Variants in PHKG1 observed in about 807,000 individuals in gnomAD.
PHKG1 encodes phosphorylase b kinase gamma catalytic chain, skeletal muscle/heart isoform.
Under a neutral mutation model 50.5 loss-of-function variants are expected in PHKG1, and 48 were observed. The observed-to-expected ratio is 0.95, with a 90% CI of 0.75 to 1.21. The LOEUF (loss-of-function observed/expected upper bound fraction) is 1.21. PHKG1 is among the 50% of genes most tolerant of loss of function. PHKG1 has a pLI of 0.00. For synonymous variants in PHKG1, 204 were observed against 212.8 expected, an observed-to-expected ratio of 0.96 and a Z score of 0.36; for missense variants, 487 against 519.5, an observed-to-expected ratio of 0.94 and a Z score of 0.61.
chr7:56,087,560 G>T (rs754470174), intron 3 of PHKG1, 38 bp downstream of exon 3: 6 of 1,592,252 alleles, frequency 3.8e-6, no homozygotes, highest in Non-Finnish European at 5.2e-6. Flanking sequence ...AGAATCACAG[G>T]GGGGCACCCT....
intron 6 of PHKG1, among the ~76,000 whole-genome samples, chr7:56,082,630 T>C (rs1234275152): frequency 6.6e-6 from 1 of 150,756 alleles, no homozygotes; most frequent in Non-Finnish European, 1.5e-5. Flanking sequence ...ACAATGGAGA[T>C]GATGGAACAG....
At chr7:56,092,614 C>CT (rs999313169) in intron 1 of PHKG1, among the ~76,000 whole-genome samples, 5 of 152,138 alleles carry the variant, frequency 3.3e-5, no homozygotes, top group African/African-American at 7.2e-5. Flanking sequence ...CCCCTGAACT[C>CT]TGAGTCCAAA....
intron 1 of PHKG1, among the ~76,000 whole-genome samples, chr7:56,092,555 G>T (rs937565361): frequency 5.9e-5 from 9 of 152,182 alleles, no homozygotes; most frequent in Non-Finnish European, 1.2e-4. Flanking sequence ...TTATAGGCAT[G>T]AGCCATCGCG....
intron 1 of PHKG1, among the ~76,000 whole-genome samples, chr7:56,091,584 A>G (rs1796495574): frequency 6.6e-6 from 1 of 152,120 alleles, no homozygotes; most frequent in Admixed American, 6.6e-5. Flanking sequence ...ACCAACAGGG[A>G]AAAGGGCAGA....
intron 4 of PHKG1, 33 bp from the exon 5 acceptor site, chr7:56,083,748 T>G: frequency 6.9e-7 from 1 of 1,449,382 alleles, no homozygotes; most frequent in East Asian, 2.4e-5. Context: ...GCTGGATCGG[T>G]CCCAAGACCA....
intron 3 of PHKG1, among the ~76,000 whole-genome samples, 167 bp from the exon 4 acceptor site, chr7:56,087,191 G>A (rs1584628540): frequency 7.9e-6 from 1 of 126,864 alleles, no homozygotes; most frequent in Non-Finnish European, 1.6e-5. Flanking sequence ...CAGGCCCAGG[G>A]ACTTTATTAT....
At chr7:56,083,550 C>T in intron 5 of PHKG1, 100 bp downstream of exon 5, 1 of 1,504,288 alleles carries the variant, frequency 6.6e-7, no homozygotes, top group Non-Finnish European at 9.2e-7. Flanking sequence ...CACACACGCC[C>T]AGCCCAGACA....
In PHKG1 at chr7:56,081,754, A is replaced by T. The variant is rs779977158; in HGVS notation, c.794T>A (p.Val265Asp). The T allele has an allele frequency of 6.2e-7, 1 of 1,612,774 alleles. No individual in the cohort carries two copies. The highest frequency in any genetic ancestry group is 1.1e-5 in the South Asian group (1 of 91,046). ...GGGTTGCACCACCAGGAATCGGGAGACCTGTGAGAGGAGGAGAGGGGAACC... is the reference window on the plus strand; with the variant it reads ...GGGTTGCACCACCAGGAATCGGGAGTCCTGTGAGAGGAGGAGAGGGGAACC... ...DDYSDTVKDL[V>D]SRFLVVQPQN... is the part of the protein sequence containing the mutation. The change falls in exon 9 of 10, where the codon GTC becomes GAC. Residue 265 changes from valine to aspartate, a missense_variant and splice_region_variant. Transcript: ENST00000297373. The surrounding 1 kb of genome is among the most constrained non-coding windows in gnomAD (Gnocchi z 4.6).
chr7:56,082,801 A>T lies in PHKG1; in HGVS notation c.547+477T>A, dbSNP rs531222172. ...AAGGGTAATGGGAACCTGGGAGAGGACTTACCTGAAGAAATGCCTAGCCCT... is the reference window on the plus strand; with the variant it reads ...AAGGGTAATGGGAACCTGGGAGAGGTCTTACCTGAAGAAATGCCTAGCCCT... On this transcript the variant is annotated intron_variant, in intron 6 of 9. Transcript: ENST00000297373. 2.6e-5 allele frequency among the ~76,000 whole-genome samples: 4 copies of T among 152,014 alleles called. No individual in the cohort carries two copies. The East Asian group carries it at 7.8e-4, about 30-fold the overall frequency.
rs757769249 is a variant in PHKG1 at position 56,082,046 on chromosome 7, C to T, written c.639G>A (p.Met213Ile). 5.6e-6 allele frequency: 9 copies of T among 1,612,300 alleles called. No homozygotes were observed. The South Asian group carries it at 7.7e-5, about 14-fold the overall frequency. ...TGTACATGATGACGCCAGTGCTCCA[C>T]CTGGACATGCGAGGGCCCAGGGCCA... ...DHPGYGKEVD[M>I]WSTGVIMYTL... Residue 213 changes from methionine to isoleucine, a missense_variant and splice_region_variant, in exon 8 of 10, where the codon ATG becomes ATA. By Grantham distance (10) the Met-to-Ile change is conservative (BLOSUM62 1). Transcript: ENST00000297373.
chr7:56,080,385 T>TC lies in PHKG1; in HGVS notation c.*668dup, dbSNP rs1378299067. The stretch of plus-strand genomic sequence containing the variant: ...CCCAAGCAATTCTCCCACCTCAGCC[T>TC]CCTGAGTAGCTGGGACTACAAGTGT... On this transcript the variant is annotated 3_prime_UTR_variant, in exon 10 of 10. Coordinates refer to ENST00000297373, the MANE Select transcript of PHKG1 (RefSeq NM_006213.5). The TC allele has an allele frequency of 6.5e-6, 1 of 153,392 alleles. No individual in the cohort carries two copies. The highest frequency in any genetic ancestry group is 1.4e-5 in the Non-Finnish European group (1 of 71,082). The allele number at this position is 153,392 out of a possible 1,614,324, so 9.5% of individuals were successfully genotyped here.
chr7:56,081,475 C>G lies in PHKG1; in HGVS notation c.918+155G>C, dbSNP rs538078933. Reference sequence around the variant, plus strand: ...CATCCTCAGGGACCGAGCCAGTGGGCTGACACCTGCCGTCTTTGAAGCCAT... The same window carrying G: ...CATCCTCAGGGACCGAGCCAGTGGGGTGACACCTGCCGTCTTTGAAGCCAT... On this transcript the variant is annotated intron_variant, in intron 9 of 9. Coordinates refer to ENST00000297373, the MANE Select transcript of PHKG1 (RefSeq NM_006213.5). The surrounding 1 kb of genome is among the most constrained non-coding windows in gnomAD (Gnocchi z 4.6). 1.2e-4 allele frequency among the ~76,000 whole-genome samples: 19 copies of G among 152,180 alleles called. No individual in the cohort carries two copies. Among genetic ancestry groups the G allele is most frequent in the Non-Finnish European group, 2.6e-4 (18 of 68,032 alleles).
intron 1 of PHKG1, among the ~76,000 whole-genome samples, chr7:56,089,738 G>C (rs1418422732): frequency 6.6e-6 from 1 of 152,126 alleles, no homozygotes; most frequent in Non-Finnish European, 1.5e-5. Flanking sequence ...TGGCCAGGCT[G>C]GTCTCGAACT....
chr7:56,084,109 G>T (rs935662203), intron 4 of PHKG1: 1 of 1,121,184 alleles, frequency 8.9e-7, no homozygotes, highest in Non-Finnish European at 1.3e-6. Context: ...AGTGACCAGG[G>T]AAGCAATGGG....
chr7:56,086,687 A>G (rs1042377831), intron 4 of PHKG1, among the ~76,000 whole-genome samples: 8 of 152,024 alleles, frequency 5.3e-5, no homozygotes, highest in African/African-American at 1.7e-4. Flanking sequence ...TGTAGCTAAT[A>G]ATTATTAGTA....
intron 6 of PHKG1, 125 bp downstream of exon 6, chr7:56,083,153 G>T: frequency 6.2e-6 from 5 of 800,920 alleles, no homozygotes; most frequent in Non-Finnish European, 5.8e-6. Flanking sequence ...CCTAGCCCTT[G>T]AAATGGTGGA....
chr7:56,090,148 G>C (rs1189102792), intron 1 of PHKG1, among the ~76,000 whole-genome samples: 1 of 151,910 alleles, frequency 6.6e-6, no homozygotes, highest in African/African-American at 2.4e-5. Flanking sequence ...CGGAGTCTCA[G>C]TCCGTCACCC....
chr7:56,083,030 C>T (rs1032378771), intron 6 of PHKG1: 3 of 411,976 alleles, frequency 7.3e-6, no homozygotes, highest in East Asian at 9.2e-5. Context: ...CACTTGAACT[C>T]GGGAGGTGGA....
intron 1 of PHKG1, among the ~76,000 whole-genome samples, chr7:56,089,413 T>C (rs1280115441): frequency 7.0e-6 from 1 of 142,196 alleles, no homozygotes; most frequent in African/African-American, 2.6e-5. Context: ...AAAAAAAAAA[T>C]CTTTGTAGAG....
Sources: allele counts gnomAD v4.1 joint callset (sites outside exome capture counted in the v4.1 genomes callset), GRCh38; gene constraint gnomAD v4.1.1; non-coding constraint Gnocchi (gnomAD v3.1); transcripts MANE v1.5; gene names NCBI Gene and HGNC (gene_info 2026-07-23, HGNC 2026-07-21).